PPP3CA: variants seen among roughly 807,000 people sequenced by gnomAD.
The protein encoded by PPP3CA is protein phosphatase 3 catalytic subunit alpha.
In PPP3CA, 14 loss-of-function variants were observed where a neutral mutation model predicts 66.5. The observed-to-expected ratio is 0.21, with a 90% confidence interval of 0.14 to 0.33. PPP3CA has a LOEUF of 0.33. PPP3CA is among the 10% of genes least tolerant of loss of function. The pLI is 1.00. For missense variants in PPP3CA, 317 were observed against 639.5 expected (o/e 0.50, Z 5.44); for synonymous variants, 232 against 226.2 (o/e 1.03, Z -0.23).
At chr4:101,196,220 A>C in intron 1 of PPP3CA, 104 bp from the exon 2 acceptor site, 1 of 1,023,592 alleles carries the variant, frequency 9.8e-7, no homozygotes, top group Non-Finnish European at 1.4e-6. Context: ...AACTAATATA[A>C]TATTTTTAGA....
At chr4:101,220,790 A>C (rs764245687) in intron 1 of PPP3CA, among the ~76,000 whole-genome samples, 1 of 151,606 alleles carries the variant, frequency 6.6e-6, no homozygotes, top group Non-Finnish European at 1.5e-5. Context: ...ATTCACATTA[A>C]ATTATGGCAG....
chr4:101,220,182 C>T lies in PPP3CA; in HGVS notation c.59-24066G>A, dbSNP rs970071. 3.0e-4 allele frequency among the ~76,000 whole-genome samples: 45 copies of T among 151,620 alleles called. No individual in the cohort carries two copies. The Middle Eastern group carries it at 0.014, about 46-fold the overall frequency. On this transcript the variant is annotated intron_variant, in intron 1 of 13. Transcript: ENST00000394854. ...AAAGGAAATCAGATTTAGTGGCCTA[C>T]TTTTTATAAAAGATGTTCACATTTT...
intron 12 of PPP3CA, among the ~76,000 whole-genome samples, chr4:101,031,630 C>T (rs1471557424): frequency 1.3e-5 from 2 of 152,172 alleles, no homozygotes; most frequent in Non-Finnish European, 2.9e-5. Context: ...TTTCCACCAT[C>T]ACAAAGAGCT....
At chr4:101,122,907 C>T (rs1722075502) in intron 2 of PPP3CA, among the ~76,000 whole-genome samples, 1 of 152,090 alleles carries the variant, frequency 6.6e-6, no homozygotes, top group African/African-American at 2.4e-5. Flanking sequence ...TGCATTACTA[C>T]AGTCACAAGA....
At chr4:101,211,350 C>G (rs375257579) in intron 1 of PPP3CA, among the ~76,000 whole-genome samples, 5 of 152,034 alleles carry the variant, frequency 3.3e-5, no homozygotes, top group African/African-American at 1.2e-4. Context: ...TATTCCCTAC[C>G]CAGAGTGATG....
chr4:101,257,897 C>A (rs1726896904), intron 1 of PPP3CA, among the ~76,000 whole-genome samples: 1 of 152,020 alleles, frequency 6.6e-6, no homozygotes, highest in Non-Finnish European at 1.5e-5. Context: ...AAAATAATTT[C>A]TCTTAAAACC....
At chr4:101,090,814 T>C (rs979002071) in intron 6 of PPP3CA, among the ~76,000 whole-genome samples, 2 of 151,016 alleles carry the variant, frequency 1.3e-5, no homozygotes, top group Admixed American at 6.6e-5. Context: ...CACGTCTGTG[T>C]CTAATGCCGT....
intron 1 of PPP3CA, among the ~76,000 whole-genome samples, chr4:101,326,616 A>G (rs1020688363): frequency 3.3e-5 from 5 of 152,190 alleles, no homozygotes. Context: ...TCCATCACAA[A>G]CAGCAACAGG....
chr4:101,048,913 T>A (rs28553415), intron 10 of PPP3CA, among the ~76,000 whole-genome samples: 11,255 of 152,146 alleles, frequency 0.074, 478 homozygotes, highest in African/African-American at 0.12. Flanking sequence ...TAATTTTTTT[T>A]AAAAAAGTTT....
At chr4:101,289,539 A>T (rs191842827) in intron 1 of PPP3CA, among the ~76,000 whole-genome samples, 1 of 152,354 alleles carries the variant, frequency 6.6e-6, no homozygotes, top group Admixed American at 6.5e-5. Context: ...TGAAACCTGC[A>T]ATGAGCAACT....
chr4:101,332,714 C>T (rs527494030), intron 1 of PPP3CA, among the ~76,000 whole-genome samples: 1 of 152,326 alleles, frequency 6.6e-6, no homozygotes, highest in Middle Eastern at 3.4e-3. Flanking sequence ...ATATTCCTCT[C>T]GTCGTTACAA....
At chr4:101,105,307 C>T (rs1730615190) in intron 3 of PPP3CA, among the ~76,000 whole-genome samples, 1 of 151,696 alleles carries the variant, frequency 6.6e-6, no homozygotes, top group African/African-American at 2.4e-5. Flanking sequence ...GCTGGGACTA[C>T]AGGCGCATGC....
chr4:101,221,572 C>A (rs1420948957), intron 1 of PPP3CA, among the ~76,000 whole-genome samples: 1 of 151,154 alleles, frequency 6.6e-6, no homozygotes, highest in African/African-American at 2.4e-5. Flanking sequence ...CGCTAAAAAA[C>A]AAAACAAAAC....
At chr4:101,238,800 A>G (rs889555672) in intron 1 of PPP3CA, among the ~76,000 whole-genome samples, 1 of 152,026 alleles carries the variant, frequency 6.6e-6, no homozygotes, top group African/African-American at 2.4e-5. Context: ...AAGTCCTATC[A>G]CCTACCCTTC....
chr4:101,153,263 A>C, intron 2 of PPP3CA, among the ~76,000 whole-genome samples: 1 of 152,194 alleles, frequency 6.6e-6, no homozygotes, highest in East Asian at 1.9e-4. Flanking sequence ...CATTATTTTA[A>C]AGAAAAGAAT....
intron 1 of PPP3CA, among the ~76,000 whole-genome samples, chr4:101,251,572 T>C (rs1418023257): frequency 6.6e-6 from 1 of 152,134 alleles, no homozygotes; most frequent in Non-Finnish European, 1.5e-5. Context: ...AAATGTCCTA[T>C]AATTGTTAAC....
intron 10 of PPP3CA, among the ~76,000 whole-genome samples, chr4:101,050,344 T>C (rs1727954663): frequency 6.6e-6 from 1 of 152,084 alleles, no homozygotes; most frequent in Non-Finnish European, 1.5e-5. Context: ...TCTCCACTTC[T>C]CTTAAGACAT....
intron 12 of PPP3CA, among the ~76,000 whole-genome samples, chr4:101,030,666 T>TTAAG (rs1726905249): frequency 6.6e-6 from 1 of 152,036 alleles, no homozygotes; most frequent in African/African-American, 2.4e-5. Flanking sequence ...CTGGAAAAAC[T>TTAAG]TAAGTAACGT....
At chr4:101,333,208 G>C (rs1301316606) in intron 1 of PPP3CA, among the ~76,000 whole-genome samples, 1 of 137,770 alleles carries the variant, frequency 7.3e-6, no homozygotes, top group Admixed American at 7.8e-5. Flanking sequence ...GGGCTCAAGC[G>C]ATCCTCCCAC....
Sources: allele counts gnomAD v4.1 joint callset (sites outside exome capture counted in the v4.1 genomes callset), GRCh38; gene constraint gnomAD v4.1.1; transcripts MANE v1.5; gene names NCBI Gene and HGNC (gene_info 2026-07-23, HGNC 2026-07-21).